The following ARHGAP6 variants were observed in gnomAD, a reference collection of about 807,000 sequenced individuals.
The protein encoded by ARHGAP6 is Rho GTPase activating protein 6.
In ARHGAP6, 16 loss-of-function variants were observed where a neutral mutation model predicts 55.7. The observed-to-expected ratio is 0.29, with a 90% CI of 0.19 to 0.44. ARHGAP6 has a LOEUF of 0.44. Among genes scored for constraint, ARHGAP6 ranks in the 20% least tolerant of loss-of-function variants. The probability of loss-of-function intolerance (pLI) is 1.00; values close to 1 mark genes in which losing one functional copy is unlikely to be tolerated. For missense variants in ARHGAP6, 698 were observed against 808.9 expected, an observed-to-expected ratio of 0.86 and a Z score of 1.66; for synonymous variants, 382 against 360.9, an observed-to-expected ratio of 1.06 and a Z score of -0.66.
intron 1 of ARHGAP6, among the ~76,000 whole-genome samples, chrX:11,278,832 A>C (rs951336689): frequency 1.8e-5 from 2 of 109,124 alleles, no homozygotes; most frequent in Non-Finnish European, 1.9e-5. Context: ...CTATAATCTC[A>C]CCTCCTTCTA....
chrX:11,333,167 T>C, intron 1 of ARHGAP6, among the ~76,000 whole-genome samples: 1 of 111,737 alleles, frequency 8.9e-6, no homozygotes, highest in East Asian at 2.8e-4. Context: ...CCAAGTAGGA[T>C]GGGGCTTGAT....
chrX:11,327,155 A>T (rs2048509562), intron 1 of ARHGAP6, among the ~76,000 whole-genome samples: 2 of 112,367 alleles, frequency 1.8e-5, no homozygotes, highest in Admixed American at 1.9e-4. Context: ...CTAAATGTCC[A>T]AGATATTCTT....
intron 1 of ARHGAP6, among the ~76,000 whole-genome samples, chrX:11,636,339 C>A (rs2052419303): frequency 8.9e-6 from 1 of 111,838 alleles, no homozygotes; most frequent in African/African-American, 3.2e-5. Flanking sequence ...ATTATTTGTT[C>A]ATTCATTGGG....
rs373651405 is a variant in ARHGAP6, at chrX:11,436,169, T to A, written c.589-181462A>T. ...CCAGAAAATAATTTGTTTTCTCTTA[T>A]CTTAGCAAAATAAACTTAGCCACTT... On this transcript the variant is annotated intron_variant, in intron 1 of 12. Coordinates refer to ENST00000337414, the MANE Select transcript of ARHGAP6 (RefSeq NM_013427.3). 1.1e-4 allele frequency among the ~76,000 whole-genome samples: 12 copies of A among 112,669 alleles called. No homozygotes were observed. In the South Asian group the frequency reaches 4.4e-3, roughly 41 times the overall value.
At chrX:11,358,499 G>A (rs371304023) in intron 1 of ARHGAP6, among the ~76,000 whole-genome samples, 1 of 35,050 alleles carries the variant, frequency 2.9e-5, no homozygotes, top group African/African-American at 1.1e-4. Context: ...TTTTTTTTTT[G>A]ACAGAGTTTT....
chrX:11,302,021 T>C lies in ARHGAP6; in HGVS notation c.589-47314A>G, dbSNP rs185967069. Among the ~76,000 whole-genome samples, 4 of 112,402 alleles carry C rather than the reference T, an allele frequency of 3.6e-5. No homozygotes were observed. The East Asian group carries it at 1.1e-3, about 31-fold the overall frequency. ...CGTAGTGTGATAATACAGAGGAATG[T>C]TTCAAACCAGAGACATACATTAACT... is the stretch of plus-strand genomic sequence containing the variant. On this transcript the variant is annotated intron_variant, in intron 1 of 12. Transcript: ENST00000337414.
intron 1 of ARHGAP6, among the ~76,000 whole-genome samples, chrX:11,553,210 CTT>C (rs1378008953): frequency 9.2e-6 from 1 of 108,518 alleles, no homozygotes; most frequent in Non-Finnish European, 1.9e-5. Flanking sequence ...AAAATCCAAT[CTT>C]GAACAAATAA....
intron 1 of ARHGAP6, among the ~76,000 whole-genome samples, chrX:11,346,631 C>G (rs1291891169): frequency 1.8e-5 from 2 of 109,249 alleles, no homozygotes; most frequent in Non-Finnish European, 3.8e-5. Context: ...ATCACTTGAA[C>G]CCAGGAGGTG....
intron 1 of ARHGAP6, among the ~76,000 whole-genome samples, chrX:11,632,506 T>C (rs1292575119): frequency 8.9e-6 from 1 of 112,511 alleles, no homozygotes; most frequent in Non-Finnish European, 1.9e-5. Context: ...CCAATTTGAT[T>C]TGAACACTAA....
At chrX:11,246,067 T>C (rs750694298) in intron 2 of ARHGAP6, among the ~76,000 whole-genome samples, 25 of 111,093 alleles carry the variant, frequency 2.3e-4, no homozygotes, top group African/African-American at 7.8e-4. Context: ...GTGTGGTAGA[T>C]AGAATAGAGG....
At chrX:11,150,637 C>T (rs2045762145) in intron 10 of ARHGAP6, among the ~76,000 whole-genome samples, 1 of 111,880 alleles carries the variant, frequency 8.9e-6, no homozygotes, top group Admixed American at 9.5e-5. Context: ...GCAATTCTCT[C>T]AGTTGGAACC....
chrX:11,152,142 TAGAG>T (rs1156586847), intron 10 of ARHGAP6, among the ~76,000 whole-genome samples: 1 of 112,192 alleles, frequency 8.9e-6, no homozygotes, highest in East Asian at 2.8e-4. Context: ...ATGAGGAAAC[TAGAG>T]AGAGAGATCT....
chrX:11,570,460 G>A (rs2051499772), intron 1 of ARHGAP6, among the ~76,000 whole-genome samples: 1 of 111,680 alleles, frequency 9.0e-6, no homozygotes. Context: ...ATGTGATGAT[G>A]ATGATAATGA....
intron 1 of ARHGAP6, among the ~76,000 whole-genome samples, chrX:11,350,243 GC>G (rs2147669028): frequency 8.9e-6 from 1 of 112,042 alleles, no homozygotes; most frequent in South Asian, 3.7e-4. Context: ...TAACTATGGG[GC>G]TGGGTGAAAA....
intron 1 of ARHGAP6, among the ~76,000 whole-genome samples, chrX:11,537,430 A>C (rs1182065695): frequency 8.9e-6 from 1 of 112,217 alleles, no homozygotes; most frequent in African/African-American, 3.2e-5. Context: ...GAGATTACAC[A>C]ACTCCAAATC....
At chrX:11,311,855 G>T (rs1382916181) in intron 1 of ARHGAP6, among the ~76,000 whole-genome samples, 1 of 111,548 alleles carries the variant, frequency 9.0e-6, no homozygotes, top group Admixed American at 9.6e-5. Context: ...GGAAAAAAGT[G>T]GGGGGAAATC....
intron 1 of ARHGAP6, among the ~76,000 whole-genome samples, chrX:11,391,817 T>C (rs2049410077): frequency 8.9e-6 from 1 of 112,415 alleles, no homozygotes; most frequent in Non-Finnish European, 1.9e-5. Flanking sequence ...GGGATCTTCG[T>C]AAAATGCAGA....
At chrX:11,227,739 T>C (rs1392871583) in intron 2 of ARHGAP6, among the ~76,000 whole-genome samples, 1 of 110,335 alleles carries the variant, frequency 9.1e-6, no homozygotes, top group Non-Finnish European at 1.9e-5. Context: ...TCACCGTTAC[T>C]CCCATGCTTT....
intron 1 of ARHGAP6, among the ~76,000 whole-genome samples, chrX:11,287,057 T>C (rs1569286300): frequency 9.0e-6 from 1 of 111,038 alleles, no homozygotes; most frequent in Non-Finnish European, 1.9e-5. Flanking sequence ...TTTCAACACA[T>C]GAACTTTATA....
Sources: gnomAD v4.1 joint callset for allele counts (sites outside exome capture counted in the v4.1 genomes callset) on GRCh38, gnomAD v4.1.1 for gene constraint, MANE v1.5 for transcripts, NCBI Gene and HGNC (gene_info 2026-07-23, HGNC 2026-07-21) for gene names.